The following NEDD4 variants were observed in gnomAD, a reference collection of about 807,000 sequenced individuals.
NEDD4 encodes E3 ubiquitin-protein ligase NEDD4.
A neutral mutation model predicts 144.9 loss-of-function variants in NEDD4; 99 were observed. That is an observed-to-expected ratio of 0.68 (90% CI 0.58 to 0.81). The LOEUF is 0.81. Ranked by LOEUF, NEDD4 falls within the 30% of genes least tolerant of loss-of-function variation. The pLI is 0.00. For synonymous variants in NEDD4, 318 were observed against 350.6 expected (o/e 0.91, Z 1.04); for missense variants, 985 against 1,065.9 (o/e 0.92, Z 1.06).
chr15:55,991,429 C>T (rs1377242066), intron 1 of NEDD4, among the ~76,000 whole-genome samples: 14 of 152,162 alleles, frequency 9.2e-5, no homozygotes, highest in African/African-American at 3.1e-4. Flanking sequence ...TCCCTCAGTC[C>T]GAGGCTGAGA....
At chr15:55,845,949 C>T (rs894012063) in intron 18 of NEDD4, among the ~76,000 whole-genome samples, 2 of 151,892 alleles carry the variant, frequency 1.3e-5, no homozygotes, top group East Asian at 3.9e-4. Flanking sequence ...TCACACCTAA[C>T]TAATTTTTGT....
At chr15:55,904,683 A>G (rs975188157) in intron 5 of NEDD4, among the ~76,000 whole-genome samples, 1 of 152,194 alleles carries the variant, frequency 6.6e-6, no homozygotes, top group Non-Finnish European at 1.5e-5. Context: ...ATGTATTACC[A>G]AGAATGCAAA....
rs1159611842 is a variant in NEDD4, at chr15:55,864,709, G to A, written c.508-1630C>T. On this transcript the variant is annotated intron_variant, in intron 8 of 28. Coordinates refer to ENST00000435532, the MANE Select transcript of NEDD4 (RefSeq NM_006154.4). ...TAAGAAAAAAAAAAAAAAAAGATAC[G>A]AGGCAACTCTCAAGTTCAACAGAAA... Among the ~76,000 whole-genome samples the A allele has an allele frequency of 4.1e-5, 6 of 146,782 alleles. No homozygotes were observed. In the East Asian group the frequency reaches 9.9e-4, roughly 24 times the overall value.
chr15:55,907,940 A>G (rs1382207844), intron 5 of NEDD4, among the ~76,000 whole-genome samples: 1 of 152,182 alleles, frequency 6.6e-6, no homozygotes, highest in Non-Finnish European at 1.5e-5. Context: ...CACTGTGGAA[A>G]CTAATCCTTG....
chr15:55,850,588 T>C lies in NEDD4; in HGVS notation c.1301A>G (p.Asn434Ser). ...GTGGTCAATAAAGAAAGGCCTCCCA[T>C]TTGGTGCATGCCGGACTTCCCAGCC... ...PKGWEVRHAPNGRPFFIDHNT... is the reference protein window; with the variant it reads ...PKGWEVRHAPSGRPFFIDHNT... Residue 434 changes from asparagine (N) to serine (S), a missense_variant, in exon 14 of 29, where the codon AAT (asparagine) becomes AGT (serine). Transcript: ENST00000435532. 6.2e-7 allele frequency: 1 copy of C among 1,614,116 alleles called. No homozygotes were observed.
intron 5 of NEDD4, among the ~76,000 whole-genome samples, chr15:55,910,413 CCTCTATGCCTCCACGCCTCCATGCT>C (rs1476220161): frequency 2.6e-4 from 40 of 152,122 alleles, no homozygotes; most frequent in Admixed American, 2.6e-3. Flanking sequence ...TTCACCCATG[CCTCTATGCCTCCACGCCTCCATGCT>C]CTCCATGCCT....
chr15:55,978,823 C>T (rs757332495), intron 1 of NEDD4, among the ~76,000 whole-genome samples: 2 of 150,894 alleles, frequency 1.3e-5, no homozygotes, highest in Non-Finnish European at 2.9e-5. Flanking sequence ...GTTATCTATG[C>T]GGGCAGCGTC....
At chr15:55,886,411 A>C (rs1595797889) in intron 5 of NEDD4, among the ~76,000 whole-genome samples, 1 of 152,206 alleles carries the variant, frequency 6.6e-6, no homozygotes, top group African/African-American at 2.4e-5. Flanking sequence ...TTCTCAGTGC[A>C]TGGATCCTTC....
At chr15:55,948,302 G>A (rs553532594) in intron 4 of NEDD4, among the ~76,000 whole-genome samples, 2 of 152,314 alleles carry the variant, frequency 1.3e-5, no homozygotes, top group South Asian at 4.1e-4. Flanking sequence ...TGAAATAAAA[G>A]AGGACACAAA....
At chr15:55,885,638 A>G (rs2035358160) in intron 5 of NEDD4, among the ~76,000 whole-genome samples, 1 of 152,154 alleles carries the variant, frequency 6.6e-6, no homozygotes, top group South Asian at 2.1e-4. Context: ...TAAAACAATA[A>G]CTTATAAAAT....
At chr15:55,939,682 T>C (rs192363001) in intron 4 of NEDD4, among the ~76,000 whole-genome samples, 1 of 152,276 alleles carries the variant, frequency 6.6e-6, no homozygotes, top group African/African-American at 2.4e-5. Context: ...AATTTTTAGA[T>C]TTTTTTAGTT....
rs535658561 is a variant in NEDD4 at position 55,939,673 on chromosome 15, A to G, written c.237+11703T>C. Reference sequence around the variant, plus strand: ...ACCTGTTAGGATGACTATTACAAAAATTTTTAGATTTTTTTAGTTAACAAG... The same window carrying G: ...ACCTGTTAGGATGACTATTACAAAAGTTTTTAGATTTTTTTAGTTAACAAG... On this transcript the variant is annotated intron_variant, in intron 4 of 28. Transcript: ENST00000435532. 7.2e-4 allele frequency among the ~76,000 whole-genome samples: 110 copies of G among 152,202 alleles called. 1 individual carries two copies. The highest frequency in any genetic ancestry group is 1.1e-3 in the Non-Finnish European group (77 of 68,038).
At chr15:55,915,580 T>C (rs768458391) in intron 5 of NEDD4, 4 of 1,614,012 alleles carry the variant, frequency 2.5e-6, no homozygotes, top group Non-Finnish European at 2.5e-6. Flanking sequence ...GCAGATGTCC[T>C]ATGCATGAGC....
intron 10 of NEDD4, 38 bp from the exon 11 acceptor site, chr15:55,860,612 T>C (rs763689860): frequency 6.2e-7 from 1 of 1,613,790 alleles, no homozygotes; most frequent in Non-Finnish European, 8.5e-7. Context: ...ACACATACTT[T>C]ATTGCTATAG....
At chr15:55,973,180 C>T (rs1308413293) in intron 1 of NEDD4, among the ~76,000 whole-genome samples, 1 of 152,200 alleles carries the variant, frequency 6.6e-6, no homozygotes, top group Non-Finnish European at 1.5e-5. Flanking sequence ...CTGCATAATA[C>T]ATATTCTTCT....
intron 2 of NEDD4, chr15:55,952,653 C>A (rs184790061): frequency 6.6e-6 from 1 of 152,394 alleles, no homozygotes; most frequent in Admixed American, 6.5e-5. Flanking sequence ...TCCATCCTTA[C>A]CCCTAACCTA....
chr15:55,944,537 T>TG (rs1193631483), intron 4 of NEDD4, among the ~76,000 whole-genome samples: 1 of 152,220 alleles, frequency 6.6e-6, no homozygotes, highest in African/African-American at 2.4e-5. Context: ...ACTGCCTATA[T>TG]AGACTCAACC....
intron 7 of NEDD4, 102 bp from the exon 8 acceptor site, chr15:55,869,783 C>T (rs1474075775): frequency 7.1e-6 from 5 of 708,612 alleles, no homozygotes; most frequent in South Asian, 1.8e-5. Context: ...AGGGGGTCTA[C>T]AAAGGGAGGT....
chr15:55,936,153 A>G lies in NEDD4; in HGVS notation c.238-11454T>C, dbSNP rs146369896. The stretch of plus-strand genomic sequence containing the variant: ...ACTTTGTCAGAGGGGTCCCTCCTAA[A>G]CCTCCTAGACTAAGTGATCCCCCAA... On this transcript the variant is annotated intron_variant, in intron 4 of 28. Coordinates refer to ENST00000435532, the MANE Select transcript of NEDD4 (RefSeq NM_006154.4). Among the ~76,000 whole-genome samples, 276 of 152,122 alleles carry G rather than the reference A, an allele frequency of 1.8e-3. 5 individuals are homozygous for G. Among genetic ancestry groups the G allele is most frequent in the East Asian group, 0.011 (56 of 5,176 alleles).
Sources: allele counts gnomAD v4.1 joint callset (sites outside exome capture counted in the v4.1 genomes callset), GRCh38; gene constraint gnomAD v4.1.1; transcripts MANE v1.5; gene names NCBI Gene and HGNC (gene_info 2026-07-23, HGNC 2026-07-21).